MDFIC: variants seen among roughly 807,000 people sequenced by gnomAD.
MDFIC encodes myoD family inhibitor domain-containing protein.
In MDFIC, 17 loss-of-function variants were observed where a neutral mutation model predicts 23.2. That is an observed-to-expected ratio of 0.73 (90% CI 0.50 to 1.10). The LOEUF is 1.10. Among genes scored for constraint, MDFIC ranks in the 50% least tolerant of loss-of-function variants. The pLI is 0.00. For synonymous variants in MDFIC, 120 were observed against 115.2 expected, an observed-to-expected ratio of 1.04 and a Z score of -0.27; for missense variants, 356 against 316.6, an observed-to-expected ratio of 1.12 and a Z score of -0.95.
chr7:114,932,903 C>T (rs1007647466), intron 2 of MDFIC, among the ~76,000 whole-genome samples: 1 of 152,212 alleles, frequency 6.6e-6, no homozygotes, highest in Non-Finnish European at 1.5e-5. Context: ...TTACAATTAT[C>T]TTATTTGTGC....
At chr7:114,979,454 A>G in intron 3 of MDFIC, 52 bp from the exon 4 acceptor site, 5 of 1,516,042 alleles carry the variant, frequency 3.3e-6, no homozygotes, top group Non-Finnish European at 4.4e-6. Flanking sequence ...TTATTTTAAA[A>G]TATTAATTTC....
At chr7:115,014,482 A>G (rs1408506211) in intron 4 of MDFIC, 4 of 1,289,638 alleles carry the variant, frequency 3.1e-6, no homozygotes, top group Non-Finnish European at 4.0e-6. Context: ...ACTCCATCGA[A>G]GGCACTTAAT....
intron 3 of MDFIC, among the ~76,000 whole-genome samples, chr7:114,974,105 G>A (rs1451264909): frequency 6.6e-6 from 1 of 152,082 alleles, no homozygotes; most frequent in Non-Finnish European, 1.5e-5. Flanking sequence ...CCATATTGAG[G>A]AAGATTTGGA....
At chr7:114,928,852 G>A (rs1792248405) in intron 2 of MDFIC, among the ~76,000 whole-genome samples, 1 of 152,164 alleles carries the variant, frequency 6.6e-6, no homozygotes, top group Admixed American at 6.5e-5. Context: ...AGGACTTAGG[G>A]CAGCACCAGT....
At chr7:114,927,736 T>C (rs1354466296) in intron 2 of MDFIC, among the ~76,000 whole-genome samples, 1 of 152,186 alleles carries the variant, frequency 6.6e-6, no homozygotes, top group Admixed American at 6.5e-5. Context: ...CCATTGTAAA[T>C]TGGACTTTTA....
Position 115,015,689 on chromosome 7 carries a change from T to C in MDFIC, c.495T>C (p.Asp165=). ...FSQKTGSSPE[D]CCVHCILACL... is the part of the protein sequence containing the mutation. ...GTCTCCTCATCACTGAAAATGAAGA[T>C]TGTTGTGTCCACTGTATCCTGGCTT... The change falls in exon 5 of 5, where the codon GAT becomes GAC. Residue 165 remains aspartate, a splice_region_variant and synonymous_variant. Coordinates refer to ENST00000393486, the MANE Select transcript of MDFIC (RefSeq NM_001166345.3). 1.2e-6 allele frequency: 2 copies of C among 1,613,782 alleles called. No homozygotes were observed. The highest frequency in any genetic ancestry group is 1.7e-4 in the Middle Eastern group (1 of 6,058).
intron 3 of MDFIC, among the ~76,000 whole-genome samples, chr7:114,953,543 A>C (rs1792821937): frequency 6.6e-6 from 1 of 152,206 alleles, no homozygotes; most frequent in Admixed American, 6.5e-5. Flanking sequence ...GGTGTCACAG[A>C]AAATCAAATA....
At chr7:114,926,538 G>A (rs551426684) in intron 2 of MDFIC, among the ~76,000 whole-genome samples, 3 of 152,254 alleles carry the variant, frequency 2.0e-5, no homozygotes, top group South Asian at 4.1e-4. Context: ...TTGTCAAGAC[G>A]TAGATCGTTG....
At chr7:114,970,812 T>C (rs1793190643) in intron 3 of MDFIC, among the ~76,000 whole-genome samples, 2 of 152,190 alleles carry the variant, frequency 1.3e-5, no homozygotes, top group Non-Finnish European at 2.9e-5. Context: ...ATCATGACTT[T>C]AGTGGTCTCA....
At chr7:114,949,662 TG>T (rs1792721920) in intron 3 of MDFIC, among the ~76,000 whole-genome samples, 2 of 152,212 alleles carry the variant, frequency 1.3e-5, no homozygotes, top group African/African-American at 4.8e-5. Context: ...GTGATGGGTG[TG>T]GGTTCTGCAT....
At chr7:114,929,273 A>G (rs186404025) in intron 2 of MDFIC, among the ~76,000 whole-genome samples, 1 of 152,000 alleles carries the variant, frequency 6.6e-6, no homozygotes, top group African/African-American at 2.4e-5. Flanking sequence ...AACCTGGCTA[A>G]TTTTTTGTAT....
intron 3 of MDFIC, among the ~76,000 whole-genome samples, chr7:114,955,011 A>C (rs1287977505): frequency 6.6e-6 from 1 of 152,106 alleles, no homozygotes; most frequent in Non-Finnish European, 1.5e-5. Flanking sequence ...TTTGCATACC[A>C]GATCTTCCTT....
At chr7:114,997,250 T>A (rs1231801386) in intron 4 of MDFIC, among the ~76,000 whole-genome samples, 1 of 152,046 alleles carries the variant, frequency 6.6e-6, no homozygotes, top group Non-Finnish European at 1.5e-5. Flanking sequence ...AAGGCGAATG[T>A]TTTTAGAATG....
At chr7:114,978,087 T>A (rs867644737) in intron 3 of MDFIC, among the ~76,000 whole-genome samples, 3 of 151,296 alleles carry the variant, frequency 2.0e-5, no homozygotes, top group Non-Finnish European at 2.9e-5. Context: ...TGTGTGCATG[T>A]CTACCTTATA....
Position 114,922,132 on chromosome 7 carries a change from C to T in MDFIC, c.-612C>T. 6.1e-6 allele frequency: 2 copies of T among 329,298 alleles called. No homozygotes were observed. Among genetic ancestry groups the T allele is most frequent in the Non-Finnish European group, 5.5e-6 (1 of 182,422 alleles). 20.4% of individuals were successfully genotyped at this position (329,298 alleles called of 1,614,324 possible). A position where few individuals can be genotyped will look rare whatever the true frequency, so the allele number is the denominator to read the frequency against. The stretch of plus-strand genomic sequence containing the variant: ...TCCCAGCCCCGGGAGGGCGCAGCGC[C>T]CGGGTGGGGAGCCCGAGCCAGCCCA... On this transcript the variant is annotated 5_prime_UTR_variant, in exon 1 of 5. Coordinates refer to ENST00000393486, the MANE Select transcript of MDFIC (RefSeq NM_001166345.3).
chr7:114,964,901 A>C (rs1243458764), intron 3 of MDFIC, among the ~76,000 whole-genome samples: 2 of 152,188 alleles, frequency 1.3e-5, no homozygotes, highest in Admixed American at 6.5e-5. Flanking sequence ...GATCAGAAGA[A>C]TAGCACTGTA....
intron 2 of MDFIC, among the ~76,000 whole-genome samples, chr7:114,928,098 A>G (rs1005744134): frequency 2.0e-5 from 3 of 152,208 alleles, no homozygotes; most frequent in Non-Finnish European, 4.4e-5. Context: ...GCCTAAAGGA[A>G]CTAATGTACA....
intron 4 of MDFIC, among the ~76,000 whole-genome samples, chr7:114,995,026 T>G (rs1482317644): frequency 5.9e-5 from 9 of 152,212 alleles, no homozygotes; most frequent in Non-Finnish European, 8.8e-5. Context: ...GCCCCATATT[T>G]CTTGGAGACT....
At chr7:114,938,970 C>T (rs1792487543) in intron 2 of MDFIC, among the ~76,000 whole-genome samples, 1 of 152,122 alleles carries the variant, frequency 6.6e-6, no homozygotes, top group African/African-American at 2.4e-5. Context: ...TAGTGGCTGA[C>T]TCAACCAATT....
Sources: gnomAD v4.1 joint callset for allele counts (sites outside exome capture counted in the v4.1 genomes callset) on GRCh38, gnomAD v4.1.1 for gene constraint, MANE v1.5 for transcripts, NCBI Gene and HGNC (gene_info 2026-07-23, HGNC 2026-07-21) for gene names.